The following PRKAR1B variants were observed in gnomAD, a reference collection of about 807,000 sequenced individuals.
PRKAR1B encodes the protein cAMP-dependent protein kinase type I-beta regulatory subunit.
Under a neutral mutation model 46.5 loss-of-function variants are expected in PRKAR1B, and 22 were observed. The ratio of observed to expected loss-of-function variants is 0.47; its 90% CI spans 0.34 to 0.68. PRKAR1B has a LOEUF of 0.68. PRKAR1B is among the 30% of genes least tolerant of loss of function. PRKAR1B has a pLI of 0.01. For synonymous variants in PRKAR1B, 259 were observed against 217.7 expected (o/e 1.19, Z -1.67); for missense variants, 445 against 535.6 (o/e 0.83, Z 1.67).
intron 9 of PRKAR1B, among the ~76,000 whole-genome samples, chr7:571,485 T>G (rs949416070): frequency 1.6e-4 from 25 of 152,200 alleles, no homozygotes; most frequent in Non-Finnish European, 5.9e-5. Context: ...AAGGGCAGCT[T>G]TGCAACGTGT....
chr7:574,292 G>A (rs966322961), intron 9 of PRKAR1B, among the ~76,000 whole-genome samples: 2 of 152,264 alleles, frequency 1.3e-5, no homozygotes, highest in African/African-American at 4.8e-5. Flanking sequence ...CGGCTGAGAA[G>A]CCGAGAGCAG....
chr7:606,338 C>A, intron 5 of PRKAR1B, 99 bp from the exon 6 acceptor site: 1 of 1,041,104 alleles, frequency 9.6e-7, no homozygotes, highest in Admixed American at 1.9e-5. Context: ...TTGCAGAGAC[C>A]CTCGAAGCAA....
chr7:665,082 C>T (rs1293534384), intron 4 of PRKAR1B, among the ~76,000 whole-genome samples: 2 of 152,140 alleles, frequency 1.3e-5, no homozygotes, highest in Admixed American at 6.5e-5. Context: ...TATTAGATAG[C>T]GCCAGCCCTG....
intron 1 of PRKAR1B, among the ~76,000 whole-genome samples, chr7:716,392 G>A (rs1324755373): frequency 2.6e-5 from 4 of 151,926 alleles, no homozygotes; most frequent in South Asian, 2.1e-4. Flanking sequence ...CACATACCTC[G>A]CACTTCTAAA....
At chr7:725,922 T>G (rs769938970) in intron 1 of PRKAR1B, among the ~76,000 whole-genome samples, 14 of 152,152 alleles carry the variant, frequency 9.2e-5, no homozygotes, top group Non-Finnish European at 1.5e-4. Flanking sequence ...AGAATCAACT[T>G]TGACTCTCCA....
chr7:671,750 C>G (rs955356488), intron 4 of PRKAR1B, among the ~76,000 whole-genome samples: 3 of 152,194 alleles, frequency 2.0e-5, no homozygotes, highest in Non-Finnish European at 2.9e-5. Flanking sequence ...CCTGTGGCCC[C>G]AGCACCCCCA....
intron 4 of PRKAR1B, among the ~76,000 whole-genome samples, chr7:668,005 G>A (rs1398481068): frequency 6.6e-6 from 1 of 152,164 alleles, no homozygotes; most frequent in Non-Finnish European, 1.5e-5. Flanking sequence ...ACAACCTTAT[G>A]TATCTCCCAC....
intron 4 of PRKAR1B, among the ~76,000 whole-genome samples, chr7:645,932 C>T (rs529272920): frequency 3.3e-5 from 5 of 152,276 alleles, no homozygotes; most frequent in Non-Finnish European, 7.4e-5. Flanking sequence ...CCAGGGTACC[C>T]GGAAAGGGCA....
chr7:574,241 C>T (rs1376498068), intron 9 of PRKAR1B, among the ~76,000 whole-genome samples: 1 of 152,244 alleles, frequency 6.6e-6, no homozygotes. Context: ...ACCATTAAAG[C>T]CGAGGCTGCC....
intron 4 of PRKAR1B, among the ~76,000 whole-genome samples, chr7:670,966 TTCA>T (rs1786218322): frequency 1.3e-5 from 2 of 152,262 alleles, no homozygotes; most frequent in Non-Finnish European, 1.5e-5. Context: ...CCAGCCCATC[TTCA>T]GCCAGAGCTT....
chr7:686,960 T>C (rs73047914), intron 2 of PRKAR1B, among the ~76,000 whole-genome samples: 21,359 of 152,156 alleles, frequency 0.14, 1,769 homozygotes, highest in African/African-American at 0.23. Flanking sequence ...CAGAAGATTT[T>C]GTGTGGACAC....
chr7:586,912 C>T (rs1479555026), intron 7 of PRKAR1B, among the ~76,000 whole-genome samples: 1 of 136,522 alleles, frequency 7.3e-6, no homozygotes, highest in African/African-American at 2.8e-5. Context: ...TTGAGACAGT[C>T]TCACTCTGTT....
rs1283717058 is a variant in PRKAR1B at position 667,956 on chromosome 7, CAT to C, written c.440+9271_440+9272del. Among the ~76,000 whole-genome samples the C allele has an allele frequency of 6.6e-6, 1 of 152,232 alleles. No individual in the cohort carries two copies. Among genetic ancestry groups the C allele is most frequent in the East Asian group, 1.9e-4 (1 of 5,196 alleles). On this transcript the variant is annotated intron_variant, in intron 4 of 10. Coordinates refer to ENST00000537384, the MANE Select transcript of PRKAR1B (RefSeq NM_001164760.2). The surrounding 1 kb of genome is among the most constrained non-coding windows in gnomAD (Gnocchi z 4.3). The stretch of plus-strand genomic sequence containing the variant: ...CTTCCTTTAAATCAAAGGTCTTAAA[CAT>C]AATTTCTACCCTTCTCCAAGCTTAC...
chr7:638,658 G>A (rs999851160), intron 4 of PRKAR1B, among the ~76,000 whole-genome samples: 3 of 152,206 alleles, frequency 2.0e-5, no homozygotes, highest in African/African-American at 7.2e-5. Flanking sequence ...GCAGGACTTC[G>A]AAATACTGCT....
At chr7:649,825 T>G (rs1784800554) in intron 4 of PRKAR1B, among the ~76,000 whole-genome samples, 1 of 152,014 alleles carries the variant, frequency 6.6e-6, no homozygotes, top group African/African-American at 2.4e-5. Context: ...CTCAGCTTCC[T>G]GAGTAGCTGG....
At position 726,428 on chromosome 7, in the gene PRKAR1B, G is replaced by A. The variant is rs938552788; in HGVS notation, c.-23+782C>T. On this transcript the variant is annotated intron_variant, in intron 1 of 10. Transcript: ENST00000537384. ...AGGCTGCAGGGCAGGCTTCCCTAGGGGCAGGCCCAGGCCTATAGCCCGGGA... is the reference window on the plus strand; with the variant it reads ...AGGCTGCAGGGCAGGCTTCCCTAGGAGCAGGCCCAGGCCTATAGCCCGGGA... 2.0e-5 allele frequency among the ~76,000 whole-genome samples: 3 copies of A among 152,120 alleles called. No homozygotes were observed. The South Asian group carries it at 6.2e-4, about 31-fold the overall frequency.
intron 1 of PRKAR1B, 57 bp downstream of exon 1, chr7:727,153 C>G: frequency 1.6e-6 from 2 of 1,277,842 alleles, no homozygotes; most frequent in Non-Finnish European, 2.0e-6. Flanking sequence ...GCGCCTGGCG[C>G]TTGTGCAGCT....
intron 4 of PRKAR1B, among the ~76,000 whole-genome samples, chr7:618,346 C>T (rs552089068): frequency 5.9e-5 from 9 of 152,288 alleles, no homozygotes; most frequent in Admixed American, 2.0e-4. Context: ...CAGTTCATGC[C>T]GCTCTGTGAT....
chr7:727,329 GC>G (rs1300157813), upstream of PRKAR1B: 1 of 1,253,282 alleles, frequency 8.0e-7, no homozygotes, highest in Non-Finnish European at 1.0e-6. Context: ...AGCACCCCGG[GC>G]CCCGCTCCCA....
Sources: gnomAD v4.1 joint callset for allele counts (sites outside exome capture counted in the v4.1 genomes callset) on GRCh38, gnomAD v4.1.1 for gene constraint, Gnocchi (gnomAD v3.1) non-coding constraint, MANE v1.5 for transcripts, NCBI Gene and HGNC (gene_info 2026-07-23, HGNC 2026-07-21) for gene names.